ANKRD44: variants seen among roughly 807,000 people sequenced by gnomAD.
ANKRD44 encodes the protein ankyrin repeat domain 44, also known as serine/threonine-protein phosphatase 6 regulatory ankyrin repeat subunit B.
ANKRD44 carries 35 observed loss-of-function variants against 116.0 expected under a neutral mutation model. That is an observed-to-expected ratio of 0.30 (90% CI 0.23 to 0.40). ANKRD44 has a LOEUF of 0.40. ANKRD44 is among the 10% of genes least tolerant of loss of function. The probability of loss-of-function intolerance (pLI) is 1.00; values close to 1 mark genes in which losing one functional copy is unlikely to be tolerated. For synonymous variants in ANKRD44, 435 were observed against 461.8 expected, an observed-to-expected ratio of 0.94 and a Z score of 0.74; for missense variants, 1,014 against 1,242.6, an observed-to-expected ratio of 0.82 and a Z score of 2.77.
At chr2:197,060,506 A>G (rs997309010) in intron 16 of ANKRD44, among the ~76,000 whole-genome samples, 2 of 152,250 alleles carry the variant, frequency 1.3e-5, no homozygotes, top group African/African-American at 4.8e-5. Context: ...ATATCCTAAT[A>G]TCCGTCACCT....
At chr2:197,101,699 T>C (rs2078297553) in intron 9 of ANKRD44, among the ~76,000 whole-genome samples, 1 of 152,222 alleles carries the variant, frequency 6.6e-6, no homozygotes, top group Non-Finnish European at 1.5e-5. Context: ...TAACAGGCAA[T>C]CTGTGCGGTG....
In ANKRD44 at chr2:197,110,751, A is replaced by C; in HGVS notation, c.985+15T>G. ...AACTATCGAAATAATGACACTACTG[A>C]AGCATCTCTCTTACCATTCTGAATG... On this transcript the variant is annotated intron_variant, in intron 9 of 27. Transcript: ENST00000282272. 1 of 1,605,880 alleles carries C rather than the reference A, an allele frequency of 6.2e-7. No homozygotes were observed.
intron 8 of ANKRD44, 103 bp downstream of exon 8, chr2:197,121,229 A>T: frequency 8.9e-7 from 1 of 1,121,172 alleles, no homozygotes; most frequent in Non-Finnish European, 1.3e-6. Context: ...CAAGGCTGTG[A>T]GGTTCCAACT....
chr2:197,048,889 G>C (rs977418754), intron 16 of ANKRD44, among the ~76,000 whole-genome samples: 1 of 152,086 alleles, frequency 6.6e-6, no homozygotes, highest in Non-Finnish European at 1.5e-5. Flanking sequence ...AACTGGAGTG[G>C]GATGGTATCT....
chr2:197,175,315 A>G (rs1005092299), intron 2 of ANKRD44, among the ~76,000 whole-genome samples: 2 of 152,182 alleles, frequency 1.3e-5, no homozygotes, highest in Non-Finnish European at 2.9e-5. Flanking sequence ...TTGCTTCCCA[A>G]ATAAAACGCA....
intron 2 of ANKRD44, among the ~76,000 whole-genome samples, chr2:197,177,500 C>G (rs184304974): frequency 4.2e-4 from 64 of 152,216 alleles, no homozygotes; most frequent in African/African-American, 1.5e-3. Context: ...CTTATTCAAA[C>G]TGACAAATAC....
At chr2:197,061,249 G>C (rs978561352) in intron 16 of ANKRD44, among the ~76,000 whole-genome samples, 2 of 152,184 alleles carry the variant, frequency 1.3e-5, no homozygotes, top group African/African-American at 2.4e-5. Flanking sequence ...CCTGTATAAT[G>C]TGGAAGTCTT....
intron 1 of ANKRD44, among the ~76,000 whole-genome samples, chr2:197,195,632 G>A (rs754295287): frequency 1.3e-5 from 2 of 152,146 alleles, no homozygotes; most frequent in East Asian, 1.9e-4. Flanking sequence ...CCTTGCCTCC[G>A]AAACACTAAT....
rs756143953 is a variant in ANKRD44, at chr2:196,988,438, C to A, written c.*1153G>T. On this transcript the variant is annotated 3_prime_UTR_variant, in exon 28 of 28. Coordinates refer to ENST00000282272, the MANE Select transcript of ANKRD44 (RefSeq NM_001195144.2). ...GCACAACACCAAGAATTCAAAAAAA[C>A]AATGGTGGTGGTGTGGAAAATTTTC... 1.4e-4 allele frequency: 141 copies of A among 985,114 alleles called. No individual in the cohort carries two copies. The highest frequency in any genetic ancestry group is 1.6e-4 in the Non-Finnish European group (136 of 829,888). 61.0% of individuals were successfully genotyped at this position (985,114 alleles called of 1,614,324 possible).
chr2:197,181,444 T>C (rs946732383), intron 2 of ANKRD44, among the ~76,000 whole-genome samples: 1 of 152,256 alleles, frequency 6.6e-6, no homozygotes, highest in East Asian at 1.9e-4. Context: ...TTTGCTATCA[T>C]GTGAGACTCA....
intron 23 of ANKRD44, among the ~76,000 whole-genome samples, chr2:197,000,137 A>G (rs2076088298): frequency 6.6e-6 from 1 of 152,208 alleles, no homozygotes; most frequent in African/African-American, 2.4e-5. Flanking sequence ...GAATATATGG[A>G]TATATACATA....
intron 22 of ANKRD44, among the ~76,000 whole-genome samples, 178 bp downstream of exon 22, chr2:197,001,575 A>G (rs1410154263): frequency 6.6e-6 from 1 of 152,230 alleles, no homozygotes; most frequent in East Asian, 1.9e-4. Flanking sequence ...GCACTCCACA[A>G]AAATCTCCGG....
At chr2:197,078,509 C>A in intron 16 of ANKRD44, 194 bp downstream of exon 16, 1 of 1,407,648 alleles carries the variant, frequency 7.1e-7, no homozygotes, top group Non-Finnish European at 9.4e-7. Flanking sequence ...TGGTGGGGCT[C>A]TAACCTGCAA....
chr2:197,120,471 G>A (rs1273360812), intron 8 of ANKRD44, among the ~76,000 whole-genome samples: 1 of 152,104 alleles, frequency 6.6e-6, no homozygotes, highest in Admixed American at 6.6e-5. Flanking sequence ...CCAACATGGT[G>A]AAACACCATC....
chr2:197,050,804 G>C (rs1484824890), intron 16 of ANKRD44, among the ~76,000 whole-genome samples: 2 of 151,982 alleles, frequency 1.3e-5, no homozygotes, highest in Admixed American at 1.3e-4. Context: ...TTATATTACT[G>C]TTACCTTCTG....
rs184599007 is a variant in ANKRD44, at chr2:197,140,442, C to G, written c.191-3780G>C. 5.9e-5 allele frequency among the ~76,000 whole-genome samples: 9 copies of G among 152,262 alleles called. No homozygotes were observed. In the East Asian group the frequency reaches 1.7e-3, roughly 29 times the overall value. On this transcript the variant is annotated intron_variant, in intron 3 of 27. Transcript: ENST00000282272. ...CAAGCAATCCTCCTGCCTCAGCCTC[C>G]AGAGTAGCTAGGACTGCCAGCACAT... is the stretch of plus-strand genomic sequence containing the variant.
chr2:197,256,958 C>T (rs62279247), intron 1 of ANKRD44, among the ~76,000 whole-genome samples: 17,653 of 152,076 alleles, frequency 0.12, 1,098 homozygotes, highest in Non-Finnish European at 0.15. Flanking sequence ...TGTATTCATG[C>T]TTTGGGTGCC....
chr2:196,996,747 T>A (rs1485749192), intron 25 of ANKRD44, among the ~76,000 whole-genome samples: 1 of 151,522 alleles, frequency 6.6e-6, no homozygotes, highest in African/African-American at 2.4e-5. Context: ...TCCTAAAAAA[T>A]ACAAAAATTA....
intron 25 of ANKRD44, among the ~76,000 whole-genome samples, chr2:196,997,127 A>C (rs1016509344): frequency 6.6e-6 from 1 of 151,948 alleles, no homozygotes; most frequent in African/African-American, 2.4e-5. Context: ...GATTTGGGAT[A>C]ATCAACATGT....
Sources: allele counts gnomAD v4.1 joint callset (sites outside exome capture counted in the v4.1 genomes callset), GRCh38; gene constraint gnomAD v4.1.1; transcripts MANE v1.5; gene names NCBI Gene and HGNC (gene_info 2026-07-23, HGNC 2026-07-21).